DLGAP2: variants seen among roughly 807,000 people sequenced by gnomAD.
DLGAP2 encodes the protein DLG associated protein 2, also known as disks large-associated protein 2.
A neutral mutation model predicts 100.3 loss-of-function variants in DLGAP2; 26 were observed. The observed-to-expected ratio is 0.26, with a 90% CI of 0.19 to 0.36. The LOEUF is 0.36. Among genes scored for constraint, DLGAP2 ranks in the 10% least tolerant of loss-of-function variants. DLGAP2 has a pLI of 1.00. For synonymous variants in DLGAP2, 886 were observed against 630.1 expected (o/e 1.41, Z -6.08); for missense variants, 1,858 against 1,453.2 (o/e 1.28, Z -4.53).
chr8:1,184,822 G>A (rs1049819380), intron 2 of DLGAP2, among the ~76,000 whole-genome samples: 1 of 152,294 alleles, frequency 6.6e-6, no homozygotes, highest in Non-Finnish European at 1.5e-5. Context: ...AGTGCTCTGC[G>A]CACGTTGCAC....
chr8:1,528,321 G>A (rs1336578645), intron 4 of DLGAP2, among the ~76,000 whole-genome samples: 1 of 152,204 alleles, frequency 6.6e-6, no homozygotes, highest in Non-Finnish European at 1.5e-5. Context: ...GAACACTCCT[G>A]GCTCACTGCC....
At chr8:1,613,379 C>T (rs1463741492) in intron 6 of DLGAP2, among the ~76,000 whole-genome samples, 4 of 147,866 alleles carry the variant, frequency 2.7e-5, no homozygotes, top group East Asian at 4.1e-4. Context: ...ACATCACACT[C>T]TGGGGACTGT....
intron 1 of DLGAP2, among the ~76,000 whole-genome samples, chr8:787,356 C>G (rs1334518402): frequency 1.3e-5 from 2 of 152,218 alleles, no homozygotes; most frequent in Non-Finnish European, 2.9e-5. Flanking sequence ...TTGTAGCAAT[C>G]ATATACCCCT....
At chr8:1,470,937 C>G (rs201327129) in intron 3 of DLGAP2, among the ~76,000 whole-genome samples, 24 of 2,552 alleles carry the variant, frequency 9.4e-3, no homozygotes, top group Admixed American at 0.012. Context: ...ACCCCTCCAG[C>G]CTTTCCCGAC....
chr8:1,498,828 T>C (rs76615285), intron 3 of DLGAP2, among the ~76,000 whole-genome samples: 1 of 151,964 alleles, frequency 6.6e-6, no homozygotes, highest in African/African-American at 2.4e-5. Context: ...AGGCTGAAAA[T>C]ACAAAGCCTC....
intron 1 of DLGAP2, among the ~76,000 whole-genome samples, chr8:818,866 TG>T (rs1457902390): frequency 6.6e-6 from 1 of 152,218 alleles, no homozygotes; most frequent in Non-Finnish European, 1.5e-5. Flanking sequence ...TTTGTTTTCT[TG>T]GTGACTATAA....
chr8:1,394,079 G>A (rs1382414216), intron 3 of DLGAP2, among the ~76,000 whole-genome samples: 6 of 4,242 alleles, frequency 1.4e-3, no homozygotes, highest in African/African-American at 1.9e-3. Flanking sequence ...CTCCCTCCTC[G>A]TCCTCCTGAG....
intron 12 of DLGAP2, among the ~76,000 whole-genome samples, chr8:1,679,752 C>T (rs150561870): frequency 9.9e-5 from 15 of 152,236 alleles, no homozygotes; most frequent in South Asian, 6.2e-4. Flanking sequence ...GAGGCTGAGG[C>T]GGGTGGATGG....
intron 3 of DLGAP2, among the ~76,000 whole-genome samples, chr8:1,348,915 G>C (rs1461229357): frequency 1.3e-5 from 2 of 152,114 alleles, no homozygotes; most frequent in Admixed American, 1.3e-4. Flanking sequence ...TTTGGATTTT[G>C]GATGTGACCT....
intron 8 of DLGAP2, among the ~76,000 whole-genome samples, chr8:1,665,764 G>T (rs572397556): frequency 6.6e-6 from 1 of 152,226 alleles, no homozygotes; most frequent in Non-Finnish European, 1.5e-5. Context: ...GGCCAGAGCC[G>T]TAGAATCTGA....
chr8:1,485,640 T>A (rs1374214251), intron 3 of DLGAP2, among the ~76,000 whole-genome samples: 3 of 152,202 alleles, frequency 2.0e-5, no homozygotes, highest in Non-Finnish European at 4.4e-5. Flanking sequence ...CAGCTCCCAC[T>A]GTGGGAAGAC....
At chr8:1,122,743 C>T (rs978452763) in intron 2 of DLGAP2, among the ~76,000 whole-genome samples, 5 of 152,034 alleles carry the variant, frequency 3.3e-5, no homozygotes, top group Admixed American at 3.3e-4. Flanking sequence ...TTCCTCCCTC[C>T]CTTCATCTTC....
intron 2 of DLGAP2, among the ~76,000 whole-genome samples, chr8:1,122,817 C>T (rs940571365): frequency 6.6e-6 from 1 of 151,332 alleles, no homozygotes; most frequent in Non-Finnish European, 1.5e-5. Flanking sequence ...CTTGAAAATA[C>T]CATTTCTCTC....
chr8:1,307,815 C>G (rs994644413), intron 3 of DLGAP2, among the ~76,000 whole-genome samples: 5 of 152,030 alleles, frequency 3.3e-5, no homozygotes, highest in Admixed American at 3.3e-4. Context: ...CGAAAGCAGT[C>G]GAATTCATAA....
intron 3 of DLGAP2, among the ~76,000 whole-genome samples, chr8:1,295,882 G>T (rs1019575243): frequency 6.6e-6 from 1 of 152,132 alleles, no homozygotes; most frequent in African/African-American, 2.4e-5. Flanking sequence ...AATTGGAAAC[G>T]ATTTCAGGAG....
intron 2 of DLGAP2, among the ~76,000 whole-genome samples, chr8:1,047,367 T>G (rs1802545552): frequency 6.6e-6 from 1 of 152,262 alleles, no homozygotes; most frequent in Admixed American, 6.5e-5. Flanking sequence ...TTTGGAATTT[T>G]TTTTGGATTT....
At chr8:870,419 ACTCACTG>A (rs1797575636) in intron 1 of DLGAP2, among the ~76,000 whole-genome samples, 1 of 151,808 alleles carries the variant, frequency 6.6e-6, no homozygotes, top group Non-Finnish European at 1.5e-5. Flanking sequence ...GCCCTTGAAG[ACTCACTG>A]CTTATGTTAG....
intron 2 of DLGAP2, among the ~76,000 whole-genome samples, chr8:1,101,111 T>A (rs1257843707): frequency 6.6e-6 from 1 of 152,202 alleles, no homozygotes; most frequent in Non-Finnish European, 1.5e-5. Context: ...ATCTTCACTC[T>A]GATGTTAGCA....
At chr8:1,138,816 T>G (rs1333966365) in intron 2 of DLGAP2, among the ~76,000 whole-genome samples, 1 of 151,934 alleles carries the variant, frequency 6.6e-6, no homozygotes, top group Non-Finnish European at 1.5e-5. Flanking sequence ...AAACTCTTCC[T>G]GTTTATTTAC....
Sources: gnomAD v4.1 joint callset for allele counts (sites outside exome capture counted in the v4.1 genomes callset) on GRCh38, gnomAD v4.1.1 for gene constraint, MANE v1.5 for transcripts, NCBI Gene and HGNC (gene_info 2026-07-23, HGNC 2026-07-21) for gene names.